FOXP1: variants seen among roughly 807,000 people sequenced by gnomAD.
FOXP1 encodes forkhead box protein P1.
In FOXP1, 15 loss-of-function variants were observed where a neutral mutation model predicts 98.2. The observed-to-expected ratio is 0.15, with a 90% CI of 0.10 to 0.24. The LOEUF (loss-of-function observed/expected upper bound fraction) is 0.24, where lower values mean the gene tolerates loss of function less well. FOXP1 is among the 10% of genes least tolerant of loss of function. The pLI is 1.00. For synonymous variants in FOXP1, 371 were observed against 314.5 expected (o/e 1.18, Z -1.90); for missense variants, 633 against 848.5 (o/e 0.75, Z 3.15).
chr3:71,512,514 C>T (rs1455021673), intron 2 of FOXP1, among the ~76,000 whole-genome samples: 2 of 151,972 alleles, frequency 1.3e-5, no homozygotes, highest in Non-Finnish European at 2.9e-5. Context: ...TCTATTTTTC[C>T]CCCATCACAA....
intron 7 of FOXP1, chr3:71,064,893 G>A: frequency 1.2e-6 from 1 of 833,298 alleles, no homozygotes; most frequent in Non-Finnish European, 1.4e-6. Flanking sequence ...CCGGGCGTGG[G>A]GTCCGGCGGC....
chr3:71,571,038 T>C (rs1040224911), intron 2 of FOXP1: 9 of 152,228 alleles, frequency 5.9e-5, no homozygotes, highest in Non-Finnish European at 8.8e-5. Flanking sequence ...CTACAGAACA[T>C]TGCTAATTAT....
At chr3:71,136,285 T>C (rs2059817626) in intron 6 of FOXP1, among the ~76,000 whole-genome samples, 1 of 152,238 alleles carries the variant, frequency 6.6e-6, no homozygotes, top group Non-Finnish European at 1.5e-5. Flanking sequence ...AGCTACCCTT[T>C]CCTGTTATTG....
intron 11 of FOXP1, among the ~76,000 whole-genome samples, chr3:71,030,060 A>C (rs2046660881): frequency 6.6e-6 from 1 of 152,212 alleles, no homozygotes; most frequent in Non-Finnish European, 1.5e-5. Context: ...CAGGGGTGGG[A>C]AACTGAGGCA....
chr3:71,438,529 G>C (rs141993442), intron 3 of FOXP1, among the ~76,000 whole-genome samples: 1 of 152,124 alleles, frequency 6.6e-6, no homozygotes, highest in African/African-American at 2.4e-5. Flanking sequence ...AGCACAGTAG[G>C]GATTTCGACT....
chr3:71,369,043 T>G (rs2079107266), intron 3 of FOXP1, among the ~76,000 whole-genome samples: 1 of 152,138 alleles, frequency 6.6e-6, no homozygotes, highest in African/African-American at 2.4e-5. Flanking sequence ...ATTTCTGGCT[T>G]TGTCTATACT....
At chr3:71,280,626 C>A (rs551441850) in intron 5 of FOXP1, among the ~76,000 whole-genome samples, 3 of 152,106 alleles carry the variant, frequency 2.0e-5, no homozygotes, top group Admixed American at 2.0e-4. Flanking sequence ...GCCCAGCCTA[C>A]AATATCTTTT....
At chr3:71,491,956 T>A (rs951002727) in intron 3 of FOXP1, among the ~76,000 whole-genome samples, 4 of 152,106 alleles carry the variant, frequency 2.6e-5, no homozygotes, top group Admixed American at 2.0e-4. Context: ...TCTCTGTAAT[T>A]GAAATAAGCT....
intron 10 of FOXP1, 131 bp downstream of exon 10, chr3:71,046,811 T>A: frequency 9.0e-7 from 1 of 1,111,298 alleles, no homozygotes. Flanking sequence ...ATTATCCCAC[T>A]CCACTTTTCT....
At chr3:71,406,665 T>G (rs1183956559) in intron 3 of FOXP1, among the ~76,000 whole-genome samples, 2 of 151,956 alleles carry the variant, frequency 1.3e-5, no homozygotes, top group East Asian at 3.9e-4. Context: ...TAATTGCATT[T>G]GCAACCTTAA....
At chr3:71,176,995 G>A (rs1388575439) in intron 6 of FOXP1, among the ~76,000 whole-genome samples, 4 of 152,042 alleles carry the variant, frequency 2.6e-5, no homozygotes, top group Non-Finnish European at 5.9e-5. Flanking sequence ...CCTGGGAGGC[G>A]GAGGTTGCAG....
At chr3:71,422,716 G>C (rs928982183) in intron 3 of FOXP1, among the ~76,000 whole-genome samples, 1 of 152,182 alleles carries the variant, frequency 6.6e-6, no homozygotes, top group African/African-American at 2.4e-5. Context: ...GTGCTGTACA[G>C]CTCCCACACT....
intron 6 of FOXP1, chr3:71,197,872 G>A (rs1216504799): frequency 6.2e-7 from 1 of 1,613,646 alleles, no homozygotes; most frequent in Non-Finnish European, 8.5e-7. Flanking sequence ...CATGAAAGCA[G>A]TGGGAACCAT....
At chr3:71,025,877 A>G (rs1393433146) in intron 11 of FOXP1, among the ~76,000 whole-genome samples, 1 of 152,198 alleles carries the variant, frequency 6.6e-6, no homozygotes, top group Non-Finnish European at 1.5e-5. Flanking sequence ...AGCCTGGTTC[A>G]TATCCCTGAG....
chr3:70,982,480 C>A (rs982699331), intron 14 of FOXP1, among the ~76,000 whole-genome samples: 2 of 152,270 alleles, frequency 1.3e-5, no homozygotes, highest in South Asian at 4.1e-4. Context: ...AAGTCAGTAA[C>A]TCTGATATTT....
chr3:70,975,856 A>ATACCAGTGGAATCTTTG (rs1191590686), intron 17 of FOXP1, among the ~76,000 whole-genome samples: 4 of 152,178 alleles, frequency 2.6e-5, no homozygotes, highest in Non-Finnish European at 4.4e-5. Context: ...AAGGGAGTAA[A>ATACCAGTGGAATCTTTG]TACCAGTGGA....
chr3:71,163,600 G>A (rs961995965), intron 6 of FOXP1, among the ~76,000 whole-genome samples: 3 of 152,140 alleles, frequency 2.0e-5, no homozygotes, highest in African/African-American at 7.2e-5. Flanking sequence ...TGCTGGCCAA[G>A]CAAGAGGTGA....
At chr3:71,561,775 A>G (rs1223465341) in intron 2 of FOXP1, among the ~76,000 whole-genome samples, 2 of 152,190 alleles carry the variant, frequency 1.3e-5, no homozygotes, top group Non-Finnish European at 2.9e-5. Flanking sequence ...ATCATCATCG[A>G]GCACCAGTAT....
intron 3 of FOXP1, among the ~76,000 whole-genome samples, chr3:71,454,258 G>A (rs754511805): frequency 2.0e-5 from 3 of 152,104 alleles, no homozygotes; most frequent in African/African-American, 4.8e-5. Flanking sequence ...CTCCTACAGC[G>A]TGATCAGAGC....
Sources: gnomAD v4.1 joint callset for allele counts (sites outside exome capture counted in the v4.1 genomes callset) on GRCh38, gnomAD v4.1.1 for gene constraint, MANE v1.5 for transcripts, NCBI Gene and HGNC (gene_info 2026-07-23, HGNC 2026-07-21) for gene names.